KDM2B: variants seen among roughly 807,000 people sequenced by gnomAD.
KDM2B encodes lysine demethylase 2B, also known as lysine-specific demethylase 2B.
In KDM2B, 26 loss-of-function variants were observed where a neutral mutation model predicts 150.0. The observed-to-expected ratio is 0.17, with a 90% CI of 0.13 to 0.24. KDM2B has a LOEUF of 0.24. KDM2B is among the 10% of genes least tolerant of loss of function. KDM2B has a pLI of 1.00. For missense variants in KDM2B, 1,265 were observed against 1,816.9 expected (o/e 0.70, Z 5.52); for synonymous variants, 734 against 729.5 (o/e 1.01, Z -0.10).
Position 121,429,990 on chromosome 12 carries a change from A to C in KDM2B, c.*298T>G. The C allele has an allele frequency of 1.2e-6, 1 of 839,002 alleles. No individual in the cohort carries two copies. The highest frequency in any genetic ancestry group is 1.9e-5 in the Admixed American group (1 of 53,184). 52.0% of individuals were successfully genotyped at this position (839,002 alleles called of 1,614,324 possible). The stretch of plus-strand genomic sequence containing the variant: ...ACAGAAACTCCTAAGCTCATGCTTC[A>C]GTATGAGAATTTCTCCGAAGTCCAC... On this transcript the variant is annotated 3_prime_UTR_variant, in exon 23 of 23. Transcript: ENST00000377071.
intron 12 of KDM2B, among the ~76,000 whole-genome samples, chr12:121,458,160 A>T (rs1038723517): frequency 1.2e-4 from 18 of 152,216 alleles, no homozygotes; most frequent in African/African-American, 3.4e-4. Flanking sequence ...AGATAGGCAG[A>T]TCGCTTGAGC....
intron 13 of KDM2B, among the ~76,000 whole-genome samples, chr12:121,446,278 G>A (rs1371981563): frequency 6.6e-6 from 1 of 152,144 alleles, no homozygotes; most frequent in African/African-American, 2.4e-5. Context: ...GGCGCCTGTA[G>A]TCCCAGCTAC....
In KDM2B at chr12:121,558,701, C is replaced by T. The variant is rs1483391030; in HGVS notation, c.398-9063G>A. Reference sequence around the variant, plus strand: ...AACTCCTGACGTCAAGTGATTTGCCCGCCTCGGCCTCCCAAAGTGCTGGGA... The same window carrying T: ...AACTCCTGACGTCAAGTGATTTGCCTGCCTCGGCCTCCCAAAGTGCTGGGA... On this transcript the variant is annotated intron_variant, in intron 4 of 22. Coordinates refer to ENST00000377071, the MANE Select transcript of KDM2B (RefSeq NM_032590.5). 3.9e-5 allele frequency among the ~76,000 whole-genome samples: 6 copies of T among 152,012 alleles called. No homozygotes were observed. The East Asian group carries it at 5.8e-4, about 15-fold the overall frequency.
At position 121,452,031 on chromosome 12, in the gene KDM2B, T is replaced by C. The variant is rs1431481691; in HGVS notation, c.1959+1089A>G. Among the ~76,000 whole-genome samples the C allele has an allele frequency of 2.0e-5, 3 of 152,138 alleles. No individual in the cohort carries two copies. Among genetic ancestry groups the C allele is most frequent in the Non-Finnish European group, 4.4e-5 (3 of 68,026 alleles). On this transcript the variant is annotated intron_variant, in intron 13 of 22. Coordinates refer to ENST00000377071, the MANE Select transcript of KDM2B (RefSeq NM_032590.5). This position sits in a 1 kb window ranked among gnomAD's most constrained non-coding sequence, Gnocchi z 4.4. Reference sequence around the variant, plus strand: ...CCTGAGGACTTTATGCTCAGGGCTATAAACAAGCCAATCCAATCACAGAAA... The same window carrying C: ...CCTGAGGACTTTATGCTCAGGGCTACAAACAAGCCAATCCAATCACAGAAA...
At chr12:121,552,446 G>A (rs1594110719) in intron 4 of KDM2B, among the ~76,000 whole-genome samples, 1 of 152,230 alleles carries the variant, frequency 6.6e-6, no homozygotes, top group East Asian at 1.9e-4. Flanking sequence ...GCCGAGATGG[G>A]TGGATCACCT....
chr12:121,474,343 T>C (rs1167198719), intron 12 of KDM2B, among the ~76,000 whole-genome samples: 1 of 151,838 alleles, frequency 6.6e-6, no homozygotes, highest in South Asian at 2.1e-4. Context: ...GAAAACCCCG[T>C]CCCTACTAAA....
At chr12:121,522,416 G>A (rs1423225395) in intron 8 of KDM2B, among the ~76,000 whole-genome samples, 1 of 151,826 alleles carries the variant, frequency 6.6e-6, no homozygotes, top group Non-Finnish European at 1.5e-5. Flanking sequence ...TCAGGAGGCT[G>A]AGGCAGGGGA....
chr12:121,473,720 C>CAAAAAA lies in KDM2B; in HGVS notation c.1735-20382_1735-20377dup, dbSNP rs34681676. 1.3e-3 allele frequency among the ~76,000 whole-genome samples: 159 copies of CAAAAAA among 122,522 alleles called. 5 individuals carry two copies. Among genetic ancestry groups the CAAAAAA allele is most frequent in the African/African-American group, 4.7e-3 (148 of 31,550 alleles). 80.4% of individuals were successfully genotyped at this position (122,522 alleles called of 152,430 possible). A position where few individuals can be genotyped will look rare whatever the true frequency, so the allele number is the denominator to read the frequency against. Reference sequence around the variant, plus strand: ...GGTGACAAGAGCAAAACTCCCAACTCAAAAAAAAAAAAAAGAGAGAGAGAG... The same window carrying CAAAAAA: ...GGTGACAAGAGCAAAACTCCCAACTCAAAAAAAAAAAAAAAAAAAAGAGAGAGAGAG... On this transcript the variant is annotated intron_variant, in intron 12 of 22. Coordinates refer to ENST00000377071, the MANE Select transcript of KDM2B (RefSeq NM_032590.5).
chr12:121,427,568 C>T (rs1479379560), downstream of KDM2B, among the ~76,000 whole-genome samples: 36 of 152,134 alleles, frequency 2.4e-4, 1 homozygote, highest in Non-Finnish European at 4.9e-4. Context: ...TAGGTCTGTA[C>T]AGAGACCATG....
chr12:121,551,221 G>C (rs1188588264), intron 4 of KDM2B, among the ~76,000 whole-genome samples: 1 of 152,096 alleles, frequency 6.6e-6, no homozygotes, highest in Non-Finnish European at 1.5e-5. Context: ...CCTTTCATGT[G>C]GTCGGAACTG....
At chr12:121,496,548 G>A (rs911185207) in intron 11 of KDM2B, among the ~76,000 whole-genome samples, 3 of 144,190 alleles carry the variant, frequency 2.1e-5, no homozygotes, top group East Asian at 2.0e-4. Context: ...AGGCTGGAGT[G>A]CAGGGGCACA....
At chr12:121,421,475 C>T in the KDM2B span, among the ~76,000 whole-genome samples, 1 of 150,950 alleles carries the variant, frequency 6.6e-6, no homozygotes, top group African/African-American at 2.4e-5. Flanking sequence ...ATTGCTTGAG[C>T]CTGCAGGGAG....
intron 13 of KDM2B, among the ~76,000 whole-genome samples, chr12:121,449,196 G>A (rs1388770965): frequency 6.6e-6 from 1 of 150,948 alleles, no homozygotes; most frequent in Admixed American, 6.6e-5. Context: ...GGCTTGGGGC[G>A]CATGTGGGGG....
At chr12:121,484,805 A>C (rs1882580176) in intron 12 of KDM2B, among the ~76,000 whole-genome samples, 1 of 152,122 alleles carries the variant, frequency 6.6e-6, no homozygotes, top group East Asian at 1.9e-4. Flanking sequence ...GCAACAGAGC[A>C]AGACCCTGTC....
rs782298682 is a variant in KDM2B at position 121,442,181 on chromosome 12, C to A, written c.3260G>T (p.Arg1087Leu). The change falls in exon 19 of 23, where the codon CGG (arginine) becomes CTG (leucine). Residue 1087 changes from arginine (R) to leucine (L), a missense_variant. This residue lies in a region of KDM2B where 251 missense variants were observed against 397.8 expected (regional missense o/e 0.63). Transcript: ENST00000377071. The surrounding 1 kb of genome is among the most constrained non-coding windows in gnomAD (Gnocchi z 7.7). ...LSHQDLCVCMRVCRTWNRWCC... is the reference protein window; with the variant it reads ...LSHQDLCVCMLVCRTWNRWCC... ...CCAGCGGTTCCAGGTCCTGCAGACC[C>A]GCATGCACACACACAGGTCTTGGTG... 6.2e-7 allele frequency: 1 copy of A among 1,613,652 alleles called. No homozygotes were observed. The highest frequency in any genetic ancestry group is 1.7e-5 in the Admixed American group (1 of 60,032).
intron 11 of KDM2B, among the ~76,000 whole-genome samples, chr12:121,505,791 C>T (rs1328105280): frequency 1.3e-5 from 2 of 152,126 alleles, no homozygotes; most frequent in Non-Finnish European, 2.9e-5. Flanking sequence ...AACACGAATC[C>T]CTCAATGGCA....
chr12:121,553,483 G>C (rs915674160), intron 4 of KDM2B, among the ~76,000 whole-genome samples: 1 of 152,134 alleles, frequency 6.6e-6, no homozygotes, highest in Admixed American at 6.6e-5. Flanking sequence ...AATTTAGAGG[G>C]TTCGGTTCCC....
In KDM2B at chr12:121,520,299, T is replaced by C. The variant is rs1172826230; in HGVS notation, c.1047+686A>G. Among the ~76,000 whole-genome samples the C allele has an allele frequency of 2.0e-5, 3 of 152,150 alleles. No homozygotes were observed. The highest frequency in any genetic ancestry group is 6.5e-5 in the Admixed American group (1 of 15,272). ...TGGCAAGTTCAGGCCACTTGTCCTTTTCAGGGGACACTTGTGGAGCGAAGG... is the reference window on the plus strand; with the variant it reads ...TGGCAAGTTCAGGCCACTTGTCCTTCTCAGGGGACACTTGTGGAGCGAAGG... On this transcript the variant is annotated intron_variant, in intron 9 of 22. Transcript: ENST00000377071. This position sits in a 1 kb window ranked among gnomAD's most constrained non-coding sequence, Gnocchi z 4.5.
At chr12:121,563,731 C>T (rs1290574148) in intron 4 of KDM2B, among the ~76,000 whole-genome samples, 1 of 151,884 alleles carries the variant, frequency 6.6e-6, no homozygotes, top group Non-Finnish European at 1.5e-5. Flanking sequence ...CCAGCCTGGC[C>T]AACGTGGTGA....
Sources: allele counts gnomAD v4.1 joint callset (sites outside exome capture counted in the v4.1 genomes callset), GRCh38; gene constraint gnomAD v4.1.1; regional missense constraint gnomAD v4.1.1; non-coding constraint Gnocchi (gnomAD v3.1); transcripts MANE v1.5; gene names NCBI Gene and HGNC (gene_info 2026-07-23, HGNC 2026-07-21).